The following CRYBA4 variants were observed in gnomAD, a reference collection of about 807,000 sequenced individuals.
CRYBA4 encodes beta-crystallin A4.
A neutral mutation model predicts 31.7 loss-of-function variants in CRYBA4; 30 were observed. The observed-to-expected ratio is 0.95, with a 90% CI of 0.71 to 1.28. CRYBA4 has a LOEUF of 1.28. Ranked by LOEUF, CRYBA4 falls within the 50% of genes most tolerant of loss-of-function variation. The pLI, the probability that CRYBA4 is intolerant of heterozygous loss-of-function variation, is 0.00. For missense variants in CRYBA4, 225 were observed against 260.7 expected, an observed-to-expected ratio of 0.86 and a Z score of 0.94; for synonymous variants, 102 against 102.3, an observed-to-expected ratio of 1.00 and a Z score of 0.02.
At chr22:26,598,582 C>A in the CRYBA4 span, among the ~76,000 whole-genome samples, 3,706 of 152,108 alleles carry the variant, frequency 0.024, 74 homozygotes, top group African/African-American at 0.054. Flanking sequence ...TGGGGTTTCG[C>A]GATGTTGGCC....
the CRYBA4 span, chr22:26,616,238 G>T: frequency 6.2e-7 from 1 of 1,614,104 alleles, no homozygotes; most frequent in Non-Finnish European, 8.5e-7. Context: ...GTTCCTGCAG[G>T]TGGGGCCCCC....
the CRYBA4 span, chr22:26,607,774 G>C: frequency 7.0e-7 from 1 of 1,431,908 alleles, no homozygotes; most frequent in African/African-American, 1.4e-5. Flanking sequence ...CAACTCGGAG[G>C]CTGCCACGCC....
chr22:26,628,786 C>A (rs537851468), intron 5 of CRYBA4, among the ~76,000 whole-genome samples: 43 of 152,170 alleles, frequency 2.8e-4, no homozygotes, highest in Non-Finnish European at 5.1e-4. Context: ...GTGGCGGCTT[C>A]ATCGTTACAT....
chr22:26,625,511 A>G lies in CRYBA4; in HGVS notation c.189A>G (p.Gln63=), dbSNP rs756618392. ...AWVGFEHAGF[Q]GQQYILERGE... Reference sequence around the variant, plus strand: ...TGGGCTTTGAGCATGCTGGCTTCCAAGGGCAGCAGTACATTCTGGAACGAG... The same window carrying G: ...TGGGCTTTGAGCATGCTGGCTTCCAGGGGCAGCAGTACATTCTGGAACGAG... Residue 63 remains glutamine (Q), a synonymous_variant, in exon 4 of 6, where the codon CAA becomes CAG. Transcript: ENST00000354760. The G allele has an allele frequency of 6.2e-7, 1 of 1,613,944 alleles. No individual in the cohort carries two copies. The highest frequency in any genetic ancestry group is 8.5e-7 in the Non-Finnish European group (1 of 1,180,000).
chr22:26,603,161 C>T, the CRYBA4 span, among the ~76,000 whole-genome samples: 5 of 151,284 alleles, frequency 3.3e-5, no homozygotes, highest in African/African-American at 9.7e-5. Flanking sequence ...ACAAATCCTG[C>T]CTCTGACATT....
the CRYBA4 span, among the ~76,000 whole-genome samples, chr22:26,597,620 G>A: frequency 4.9e-4 from 75 of 151,982 alleles, no homozygotes; most frequent in Admixed American, 3.7e-3. Flanking sequence ...TAGCAACCCC[G>A]ACACCCCGTT....
chr22:26,618,880 C>T (rs561571502), upstream of CRYBA4, among the ~76,000 whole-genome samples: 9 of 152,286 alleles, frequency 5.9e-5, no homozygotes, highest in Non-Finnish European at 7.3e-5. Flanking sequence ...CCTGACCTAT[C>T]GACAGTGATC....
upstream of CRYBA4, among the ~76,000 whole-genome samples, chr22:26,620,280 A>C (rs1481453050): frequency 6.6e-6 from 1 of 152,160 alleles, no homozygotes; most frequent in Non-Finnish European, 1.5e-5. Flanking sequence ...TGATGGAAAT[A>C]CCACAATATT....
chr22:26,599,309 T>C, the CRYBA4 span: 1 of 611,382 alleles, frequency 1.6e-6, no homozygotes, highest in Non-Finnish European at 2.9e-6. Flanking sequence ...TTTATTATCG[T>C]TGTAATTATT....
At chr22:26,595,209 T>C in the CRYBA4 span, among the ~76,000 whole-genome samples, 1 of 152,250 alleles carries the variant, frequency 6.6e-6, no homozygotes, top group Admixed American at 6.5e-5. Flanking sequence ...ATGACTTTAA[T>C]TGTTATTTTC....
the CRYBA4 span, chr22:26,607,912 T>C: frequency 6.2e-7 from 1 of 1,614,238 alleles, no homozygotes. Flanking sequence ...CGGAAGGACA[T>C]GAGCCGATCA....
At chr22:26,607,881 C>T in the CRYBA4 span, 1 of 1,614,130 alleles carries the variant, frequency 6.2e-7, no homozygotes, top group Non-Finnish European at 8.5e-7. Context: ...AGCCGGAGAG[C>T]CACTCACCAT....
chr22:26,618,978 G>A (rs969362045), upstream of CRYBA4, among the ~76,000 whole-genome samples: 1 of 152,176 alleles, frequency 6.6e-6, no homozygotes, highest in Admixed American at 6.5e-5. Context: ...ATGACTGCCT[G>A]TCCCAGAGCC....
At chr22:26,598,852 G>A in the CRYBA4 span, among the ~76,000 whole-genome samples, 6 of 152,130 alleles carry the variant, frequency 3.9e-5, no homozygotes, top group Admixed American at 1.3e-4. Flanking sequence ...TCCTGAGGGG[G>A]GATGCTCAAC....
chr22:26,614,814 G>T, the CRYBA4 span, among the ~76,000 whole-genome samples: 2 of 151,892 alleles, frequency 1.3e-5, no homozygotes, highest in Non-Finnish European at 2.9e-5. Context: ...CTCATAATTC[G>T]GTCTCAAAAT....
At chr22:26,616,804 C>A in the CRYBA4 span, among the ~76,000 whole-genome samples, 34 of 152,218 alleles carry the variant, frequency 2.2e-4, no homozygotes. Context: ...TCATGATCCC[C>A]TCTGAGCAGC....
chr22:26,612,064 G>T, the CRYBA4 span: 1 of 1,602,428 alleles, frequency 6.2e-7, no homozygotes, highest in Non-Finnish European at 8.5e-7. Flanking sequence ...CCGCCGCCCA[G>T]TACTCACGGT....
At chr22:26,619,580 C>T (rs1475019007), upstream of CRYBA4, among the ~76,000 whole-genome samples, 1 of 152,216 alleles carries the variant, frequency 6.6e-6, no homozygotes, top group African/African-American at 2.4e-5. Flanking sequence ...CCGTGGAGCC[C>T]AGCTCTGTCT....
chr22:26,601,807 G>A, the CRYBA4 span: 1 of 1,606,480 alleles, frequency 6.2e-7, no homozygotes, highest in Admixed American at 1.7e-5. Context: ...GTTATAACCT[G>A]TAAGGGGAGC....
Sources: gnomAD v4.1 joint callset for allele counts (sites outside exome capture counted in the v4.1 genomes callset) on GRCh38, gnomAD v4.1.1 for gene constraint, MANE v1.5 for transcripts, NCBI Gene and HGNC (gene_info 2026-07-23, HGNC 2026-07-21) for gene names.